The following HERC2 variants were observed in gnomAD, a reference collection of about 807,000 sequenced individuals.
HERC2 encodes HECT and RLD domain containing E3 ubiquitin protein ligase 2.
Under a neutral mutation model 537.7 loss-of-function variants are expected in HERC2, and 102 were observed. That is an observed-to-expected ratio of 0.19 (90% CI 0.16 to 0.22). HERC2 has a LOEUF of 0.22. Ranked by LOEUF, HERC2 falls within the 10% of genes least tolerant of loss-of-function variation. The pLI, the probability that HERC2 is intolerant of heterozygous loss-of-function variation, is 1.00. For missense variants in HERC2, 4,236 were observed against 6,198.2 expected (o/e 0.68, Z 10.63); for synonymous variants, 2,224 against 2,466.2 (o/e 0.90, Z 2.91).
At chr15:28,239,604 C>T (rs1424227091) in intron 23 of HERC2, among the ~76,000 whole-genome samples, 1 of 145,660 alleles carries the variant, frequency 6.9e-6, no homozygotes. Context: ...GGGGAGCCAC[C>T]GAGCATTACA....
In HERC2 at chr15:28,186,769, T is replaced by C. The variant is rs751420346; in HGVS notation, c.8650-17A>G. ...CCTGTGATACTAGACACAAAAACCATGATCTATAGACTCTGTAGAATCAAG... is the reference window on the plus strand; with the variant it reads ...CCTGTGATACTAGACACAAAAACCACGATCTATAGACTCTGTAGAATCAAG... On this transcript the variant is annotated splice_polypyrimidine_tract_variant and intron_variant, in intron 55 of 92. Coordinates refer to ENST00000261609, the MANE Select transcript of HERC2 (RefSeq NM_004667.6). The C allele has an allele frequency of 3.1e-6, 5 of 1,594,386 alleles. No individual in the cohort carries two copies. Among genetic ancestry groups the C allele is most frequent in the Admixed American group, 1.7e-5 (1 of 59,948 alleles).
intron 78 of HERC2, among the ~76,000 whole-genome samples, chr15:28,137,986 T>C (rs1890820663): frequency 6.6e-6 from 1 of 152,226 alleles, no homozygotes; most frequent in African/African-American, 2.4e-5. Flanking sequence ...ATATAGAGAA[T>C]GTTTGGCATA....
intron 30 of HERC2, among the ~76,000 whole-genome samples, chr15:28,232,464 G>A (rs575661062): frequency 8.6e-5 from 13 of 151,790 alleles, no homozygotes; most frequent in African/African-American, 2.4e-4. Flanking sequence ...CAGGGGAATC[G>A]TTTGAACCTG....
intron 2 of HERC2, among the ~76,000 whole-genome samples, chr15:28,307,726 C>G (rs1488638524): frequency 1.3e-5 from 2 of 152,138 alleles, no homozygotes; most frequent in Non-Finnish European, 2.9e-5. Context: ...ATTTTTTTAA[C>G]TTTTATATGG....
rs1205358052 is a variant in HERC2, at chr15:28,146,224, C to T, written c.11008+13G>A. 1.4e-5 allele frequency: 23 copies of T among 1,597,772 alleles called. No individual in the cohort carries two copies. Among genetic ancestry groups the T allele is most frequent in the South Asian group, 2.2e-5 (2 of 90,708 alleles). On this transcript the variant is annotated intron_variant, in intron 71 of 92. Coordinates refer to ENST00000261609, the MANE Select transcript of HERC2 (RefSeq NM_004667.6). ...GTGGGTAGATCATGCCCTGCTCAAC[C>T]TCCTGTCCTTACCTGACCGCACGGA... is the stretch of plus-strand genomic sequence containing the variant.
In HERC2 at chr15:28,141,757, G is replaced by A. The variant is rs145571215; in HGVS notation, c.11790C>T (p.Asp3930=). 7.3e-5 allele frequency: 118 copies of A among 1,614,014 alleles called. 1 individual carries two copies. In the African/African-American group the frequency reaches 1.2e-3, roughly 16 times the overall value. The change falls in exon 77 of 93, where the codon GAC becomes GAT. Residue 3930 remains aspartate, a synonymous_variant. Coordinates refer to ENST00000261609, the MANE Select transcript of HERC2 (RefSeq NM_004667.6). ...TGTTCATCCACTGCACAAGTTGTTC[G>A]TCTTGCTCTCTTTTAAAAATGTCAT... ...ESHDIFKREQ[D]EQLVQWMNRR... is the part of the protein sequence containing the mutation.
At chr15:28,133,076 C>T (rs1171805595) in intron 79 of HERC2, among the ~76,000 whole-genome samples, 1 of 150,692 alleles carries the variant, frequency 6.6e-6, no homozygotes, top group Non-Finnish European at 1.5e-5. Flanking sequence ...GGGTCAAGTT[C>T]GAAGCACAGA....
chr15:28,170,864 A>G (rs1314313868), intron 65 of HERC2, among the ~76,000 whole-genome samples: 1 of 152,184 alleles, frequency 6.6e-6, no homozygotes, highest in Admixed American at 6.5e-5. Flanking sequence ...AAGAGGAGAT[A>G]TGGACAGTAA....
Position 28,132,613 on chromosome 15 carries a change from A to G in HERC2, c.12408+40T>C, listed in dbSNP as rs1004902817. On this transcript the variant is annotated intron_variant, in intron 80 of 92. Transcript: ENST00000261609. The stretch of plus-strand genomic sequence containing the variant: ...CCCCCATCTGACAGCAGCAGTGAGG[A>G]GCATGCAGCCTCCGGCCTCTGCACA... The G allele has an allele frequency of 2.2e-6, 3 of 1,370,532 alleles. No homozygotes were observed. The African/African-American group carries it at 4.5e-5, about 20-fold the overall frequency. 84.9% of individuals were successfully genotyped at this position (1,370,532 alleles called of 1,614,324 possible).
intron 4 of HERC2, among the ~76,000 whole-genome samples, chr15:28,292,230 C>CAAA (rs34513876): frequency 1.0e-4 from 7 of 67,474 alleles, no homozygotes; most frequent in African/African-American, 2.3e-4. Context: ...ACTCCATCTC[C>CAAA]AAAAAAAAAA....
intron 2 of HERC2, among the ~76,000 whole-genome samples, chr15:28,301,148 C>A (rs2076612812): frequency 6.6e-6 from 1 of 151,872 alleles, no homozygotes; most frequent in African/African-American, 2.4e-5. Flanking sequence ...GGTGCGGTGG[C>A]TCACGCCTAT....
At chr15:28,243,579 G>C (rs1043191254) in intron 23 of HERC2, among the ~76,000 whole-genome samples, 1 of 151,896 alleles carries the variant, frequency 6.6e-6, no homozygotes, top group Non-Finnish European at 1.5e-5. Context: ...AACTTGAATT[G>C]GCACTTCACA....
At chr15:28,250,801 T>A (rs2075050818) in intron 20 of HERC2, among the ~76,000 whole-genome samples, 2 of 152,100 alleles carry the variant, frequency 1.3e-5, no homozygotes, top group Non-Finnish European at 2.9e-5. Context: ...AAACAGTGTC[T>A]ACCCATGCAG....
intron 64 of HERC2, 92 bp downstream of exon 64, chr15:28,175,420 G>C (rs1459390463): frequency 8.1e-7 from 1 of 1,226,998 alleles, no homozygotes. Flanking sequence ...TTCATCAACA[G>C]CTGTGATTTC....
intron 70 of HERC2, among the ~76,000 whole-genome samples, chr15:28,147,711 A>G (rs895681758): frequency 5.9e-5 from 9 of 152,148 alleles, no homozygotes; most frequent in Admixed American, 2.0e-4. Context: ...AAAGTATAAG[A>G]CCAAATACAA....
At chr15:28,310,709 G>A (rs935359343) in intron 2 of HERC2, among the ~76,000 whole-genome samples, 1 of 152,178 alleles carries the variant, frequency 6.6e-6, no homozygotes, top group African/African-American at 2.4e-5. Context: ...ACTATCTTTA[G>A]GCACTCAAGG....
chr15:28,270,996 T>TA (rs1436855806), intron 9 of HERC2, 128 bp from the exon 10 acceptor site: 5 of 715,590 alleles, frequency 7.0e-6, no homozygotes, highest in South Asian at 1.8e-5. Flanking sequence ...ATGTCAATGA[T>TA]ACAGTTATAC....
intron 3 of HERC2, among the ~76,000 whole-genome samples, chr15:28,295,802 A>G (rs1247573930): frequency 6.6e-6 from 1 of 152,120 alleles, no homozygotes; most frequent in African/African-American, 2.4e-5. Flanking sequence ...TCCATAAATA[A>G]AGTTTACAGA....
At chr15:28,244,836 T>C (rs1287281737) in intron 23 of HERC2, among the ~76,000 whole-genome samples, 1 of 152,148 alleles carries the variant, frequency 6.6e-6, no homozygotes, top group African/African-American at 2.4e-5. Context: ...GTTAGGGGGA[T>C]GATGGTCTAA....
Sources: allele counts gnomAD v4.1 joint callset (sites outside exome capture counted in the v4.1 genomes callset), GRCh38; gene constraint gnomAD v4.1.1; transcripts MANE v1.5; gene names NCBI Gene and HGNC (gene_info 2026-07-23, HGNC 2026-07-21).